SLC5A4: variants seen among roughly 807,000 people sequenced by gnomAD.
The protein encoded by SLC5A4 is probable glucose sensor protein SLC5A4.
In SLC5A4, 55 loss-of-function variants were observed where a neutral mutation model predicts 70.3. The ratio of observed to expected loss-of-function variants is 0.78; its 90% CI spans 0.63 to 0.98. The LOEUF (loss-of-function observed/expected upper bound fraction) is 0.98, where lower values mean the gene tolerates loss of function less well. SLC5A4 is among the 50% of genes least tolerant of loss of function. The probability of loss-of-function intolerance (pLI) is 0.00; values close to 1 mark genes in which losing one functional copy is unlikely to be tolerated. For missense variants in SLC5A4, 735 were observed against 839.2 expected (o/e 0.88, Z 1.53); for synonymous variants, 268 against 305.7 (o/e 0.88, Z 1.29).
At chr22:32,268,032 G>A in the SLC5A4 span, among the ~76,000 whole-genome samples, 2 of 152,190 alleles carry the variant, frequency 1.3e-5, no homozygotes, top group Non-Finnish European at 2.9e-5. Flanking sequence ...GCTGAGGCAG[G>A]AGAATGGCGT....
At chr22:32,308,104 C>A in the SLC5A4 span, among the ~76,000 whole-genome samples, 2 of 152,156 alleles carry the variant, frequency 1.3e-5, no homozygotes, top group African/African-American at 4.8e-5. Flanking sequence ...GTCACTCTGT[C>A]ACCCAGGCTG....
the SLC5A4 span, among the ~76,000 whole-genome samples, chr22:32,306,346 G>A: frequency 1.4e-5 from 2 of 143,074 alleles, no homozygotes; most frequent in Admixed American, 1.4e-4. Flanking sequence ...GTGCCTGCTA[G>A]TCCCAGCTAC....
the SLC5A4 span, among the ~76,000 whole-genome samples, chr22:32,328,832 G>A: frequency 1.8e-4 from 28 of 152,318 alleles, no homozygotes; most frequent in Middle Eastern, 0.014. Context: ...GGAGAGGGAG[G>A]ATCTTGGAGA....
chr22:32,265,197 G>A, the SLC5A4 span, among the ~76,000 whole-genome samples: 1 of 152,152 alleles, frequency 6.6e-6, no homozygotes. Flanking sequence ...ACCAGTTCTG[G>A]CAATATAGTG....
chr22:32,303,327 T>C, the SLC5A4 span, among the ~76,000 whole-genome samples: 2 of 152,178 alleles, frequency 1.3e-5, no homozygotes, highest in Non-Finnish European at 2.9e-5. Context: ...GGGTCATAGG[T>C]AAGTAAGAGA....
chr22:32,237,118 T>C (rs1355647372), intron 7 of SLC5A4, 126 bp downstream of exon 7: 12 of 708,942 alleles, frequency 1.7e-5, no homozygotes, highest in South Asian at 3.1e-5. Flanking sequence ...ATGGGGATTA[T>C]GTAAATGACT....
chr22:32,288,041 G>A, the SLC5A4 span, among the ~76,000 whole-genome samples: 4 of 148,100 alleles, frequency 2.7e-5, no homozygotes, highest in South Asian at 2.1e-4. Context: ...TTAGAGATGA[G>A]GTTTCACCAT....
chr22:32,307,239 G>A, the SLC5A4 span, among the ~76,000 whole-genome samples: 2 of 152,182 alleles, frequency 1.3e-5, no homozygotes, highest in African/African-American at 4.8e-5. Context: ...TTGATGTGAA[G>A]ATAGGAGTTT....
the SLC5A4 span, among the ~76,000 whole-genome samples, chr22:32,263,666 A>C: frequency 6.6e-6 from 1 of 152,216 alleles, no homozygotes; most frequent in Non-Finnish European, 1.5e-5. Context: ...CTAGAACCAG[A>C]AATACTATTT....
the SLC5A4 span, among the ~76,000 whole-genome samples, chr22:32,291,206 CTTTT>C: frequency 1.1e-4 from 14 of 128,790 alleles, no homozygotes; most frequent in East Asian, 1.6e-3. Flanking sequence ...TTTGACTGTT[CTTTT>C]TTTTTTTTTT....
the SLC5A4 span, among the ~76,000 whole-genome samples, chr22:32,273,795 G>T: frequency 6.6e-6 from 1 of 150,632 alleles, no homozygotes; most frequent in Non-Finnish European, 1.5e-5. Context: ...AAACAAACAA[G>T]CAAACAAAAA....
At chr22:32,269,590 T>C in the SLC5A4 span, 1 of 625,014 alleles carries the variant, frequency 1.6e-6, no homozygotes, top group East Asian at 3.9e-5. The surrounding 1 kb of genome is among the most constrained non-coding windows in gnomAD (Gnocchi z 4.1). Flanking sequence ...TCTCACCAGC[T>C]ACCCTTTGAC....
At chr22:32,316,768 C>T in the SLC5A4 span, among the ~76,000 whole-genome samples, 1 of 151,970 alleles carries the variant, frequency 6.6e-6, no homozygotes, top group African/African-American at 2.4e-5. Context: ...GAACTCCTGA[C>T]CACAGGTGAT....
chr22:32,307,691 G>C, the SLC5A4 span, among the ~76,000 whole-genome samples: 1 of 152,230 alleles, frequency 6.6e-6, no homozygotes, highest in Non-Finnish European at 1.5e-5. Context: ...TGGTGCTACA[G>C]CAAGGAACTA....
the SLC5A4 span, among the ~76,000 whole-genome samples, chr22:32,303,052 G>C: frequency 2.0e-5 from 3 of 151,592 alleles, no homozygotes; most frequent in Non-Finnish European, 2.9e-5. Context: ...TTTTTAAGCA[G>C]TGTTTTGTAG....
At chr22:32,294,485 C>G in the SLC5A4 span, among the ~76,000 whole-genome samples, 2 of 152,102 alleles carry the variant, frequency 1.3e-5, no homozygotes. Flanking sequence ...GACATCAAAA[C>G]ACTTGAAGAT....
the SLC5A4 span, chr22:32,327,320 G>A: frequency 1.3e-5 from 2 of 152,306 alleles, no homozygotes; most frequent in African/African-American, 4.8e-5. Flanking sequence ...CACAGATCCA[G>A]GCTGGGGCCA....
At chr22:32,324,238 TATGTATGTGTATATATACAC>T in the SLC5A4 span, among the ~76,000 whole-genome samples, 1 of 149,350 alleles carries the variant, frequency 6.7e-6, no homozygotes. Context: ...TGTGTATACA[TATGTATGTGTATATATACAC>T]ACATATATGT....
At chr22:32,265,258 CACA>C in the SLC5A4 span, among the ~76,000 whole-genome samples, 1 of 152,172 alleles carries the variant, frequency 6.6e-6, no homozygotes, top group African/African-American at 2.4e-5. Context: ...CTTGGTAGCA[CACA>C]CTGGTAGTCC....
Sources: gnomAD v4.1 joint callset for allele counts (sites outside exome capture counted in the v4.1 genomes callset) on GRCh38, gnomAD v4.1.1 for gene constraint, Gnocchi (gnomAD v3.1) non-coding constraint, MANE v1.5 for transcripts, NCBI Gene and HGNC (gene_info 2026-07-23, HGNC 2026-07-21) for gene names.